The following SLC16A7 variants were observed in gnomAD, a reference collection of about 807,000 sequenced individuals.
SLC16A7 encodes the protein solute carrier family 16 member 7.
Under a neutral mutation model 34.9 loss-of-function variants are expected in SLC16A7, and 33 were observed. That is an observed-to-expected ratio of 0.94 (90% CI 0.72 to 1.26). The LOEUF (loss-of-function observed/expected upper bound fraction) is 1.26. Ranked by LOEUF, SLC16A7 falls within the 50% of genes most tolerant of loss-of-function variation. SLC16A7 has a pLI of 0.00. For missense variants in SLC16A7, 573 were observed against 578.1 expected, an observed-to-expected ratio of 0.99 and a Z score of 0.09; for synonymous variants, 201 against 206.6, an observed-to-expected ratio of 0.97 and a Z score of 0.23.
At chr12:59,615,395 T>C (rs1458111765) in intron 1 of SLC16A7, among the ~76,000 whole-genome samples, 2 of 152,170 alleles carry the variant, frequency 1.3e-5, no homozygotes, top group East Asian at 1.9e-4. Context: ...AATTTTTCAG[T>C]ATAATTTTAT....
intron 3 of SLC16A7, among the ~76,000 whole-genome samples, chr12:59,756,212 C>A (rs1371776070): frequency 1.3e-5 from 2 of 148,562 alleles, no homozygotes; most frequent in South Asian, 2.2e-4. Context: ...GACTTCATGT[C>A]TAAAACACCA....
chr12:59,705,928 T>G (rs1036031257), intron 3 of SLC16A7, among the ~76,000 whole-genome samples: 3 of 152,156 alleles, frequency 2.0e-5, no homozygotes, highest in African/African-American at 7.2e-5. Flanking sequence ...AATATAACAT[T>G]AGTATAATAT....
intron 1 of SLC16A7, among the ~76,000 whole-genome samples, chr12:59,635,934 T>G (rs1268441608): frequency 6.6e-6 from 1 of 151,538 alleles, no homozygotes; most frequent in African/African-American, 2.4e-5. Flanking sequence ...CTTAGAAGTA[T>G]CAATGTTTTA....
intron 2 of SLC16A7, chr12:59,664,934 C>G (rs1869071351): frequency 6.6e-6 from 1 of 152,126 alleles, no homozygotes; most frequent in Non-Finnish European, 1.5e-5. Context: ...CAGGTTCTCT[C>G]TCTATTCAGG....
rs1883689522 is a variant in SLC16A7 at position 59,787,261 on chromosome 12, A to AT, written c.*7583dup. The AT allele has an allele frequency of 6.6e-6, 1 of 152,204 alleles. No homozygotes were observed. The allele number at this position is 152,204 out of a possible 1,614,324, so 9.4% of individuals were successfully genotyped here. On this transcript the variant is annotated 3_prime_UTR_variant, in exon 6 of 6. Coordinates refer to ENST00000547379, the MANE Select transcript of SLC16A7 (RefSeq NM_001270623.2). ...GTATGCAAGAAATTATTGCCATAGC[A>AT]TAGTCTTGAGGAGAACACCTCTACA...
At chr12:59,680,691 T>C (rs1298170606) in intron 2 of SLC16A7, among the ~76,000 whole-genome samples, 5 of 152,332 alleles carry the variant, frequency 3.3e-5, no homozygotes, top group Admixed American at 6.5e-5. Context: ...TACTAAAATA[T>C]GTATTCATGT....
chr12:59,774,670 C>T lies in SLC16A7; in HGVS notation c.375C>T (p.Ala125=), dbSNP rs1176129488. 1.3e-5 allele frequency: 21 copies of T among 1,587,566 alleles called. No homozygotes were observed. Among genetic ancestry groups the T allele is most frequent in the Non-Finnish European group, 1.7e-5 (20 of 1,168,882 alleles). Residue 125 remains alanine (A), a synonymous_variant, in exon 5 of 6, where the codon GCC becomes GCT. Transcript: ENST00000547379. Reference sequence around the variant, plus strand: ...TGTTCTTTTTAGGTTTAGGTTTAGCCTTCAACCTGCAACCCGCCTTAACCA... The same window carrying T: ...TGTTCTTTTTAGGTTTAGGTTTAGCTTTCAACCTGCAACCCGCCTTAACCA... ...TMGFITGLGL[A]FNLQPALTII... is the part of the protein sequence containing the mutation.
intron 1 of SLC16A7, among the ~76,000 whole-genome samples, chr12:59,605,383 A>C (rs1195345476): frequency 2.0e-5 from 3 of 152,160 alleles, no homozygotes; most frequent in Non-Finnish European, 2.9e-5. Context: ...GGTGGTAGGG[A>C]TAGAATACGT....
chr12:59,672,530 G>T (rs1162304622), intron 2 of SLC16A7, among the ~76,000 whole-genome samples: 1 of 151,820 alleles, frequency 6.6e-6, no homozygotes, highest in African/African-American at 2.4e-5. Flanking sequence ...CAGGCTCATT[G>T]TTTCACCATG....
chr12:59,631,795 C>T (rs1196031363), intron 1 of SLC16A7, among the ~76,000 whole-genome samples: 2 of 151,846 alleles, frequency 1.3e-5, no homozygotes, highest in African/African-American at 2.4e-5. Flanking sequence ...TCTGTTCCTG[C>T]GTTAGTTTGA....
chr12:59,626,602 T>A (rs544954240), intron 1 of SLC16A7, among the ~76,000 whole-genome samples: 27 of 151,818 alleles, frequency 1.8e-4, no homozygotes, highest in African/African-American at 5.5e-4. Context: ...TGATCTAAGC[T>A]CAAAATTCTT....
chr12:59,661,133 T>G (rs1386421165), intron 2 of SLC16A7, among the ~76,000 whole-genome samples: 1 of 151,958 alleles, frequency 6.6e-6, no homozygotes, highest in Non-Finnish European at 1.5e-5. Flanking sequence ...TATGTGAATG[T>G]TGGGAAGGGG....
At chr12:59,714,718 C>T (rs1297945014) in intron 3 of SLC16A7, among the ~76,000 whole-genome samples, 1 of 152,156 alleles carries the variant, frequency 6.6e-6, no homozygotes, top group East Asian at 1.9e-4. Context: ...GTGCCCACCA[C>T]CATGCCCAGC....
intron 3 of SLC16A7, among the ~76,000 whole-genome samples, 153 bp from the exon 4 acceptor site, chr12:59,771,066 A>G (rs1882174548): frequency 6.6e-6 from 1 of 152,228 alleles, no homozygotes; most frequent in African/African-American, 2.4e-5. Context: ...TTTGTGAAGT[A>G]TTGAAAAGTT....
chr12:59,727,421 T>C (rs2137229200), intron 3 of SLC16A7, among the ~76,000 whole-genome samples: 1 of 152,184 alleles, frequency 6.6e-6, no homozygotes, highest in East Asian at 1.9e-4. Flanking sequence ...CATTTGAAGT[T>C]TGATATCATG....
chr12:59,735,327 CTG>C (rs1877465359), intron 3 of SLC16A7, among the ~76,000 whole-genome samples: 1 of 152,152 alleles, frequency 6.6e-6, no homozygotes, highest in South Asian at 2.1e-4. Context: ...TGTGCTCTGA[CTG>C]AAGAATATCA....
At chr12:59,614,827 A>AAAC (rs1879367555) in intron 1 of SLC16A7, among the ~76,000 whole-genome samples, 1 of 141,466 alleles carries the variant, frequency 7.1e-6, no homozygotes, top group Non-Finnish European at 1.5e-5. Flanking sequence ...TTCCTACTAA[A>AAAC]AAAAAAAAAA....
chr12:59,704,224 AG>A (rs373163955), intron 2 of SLC16A7, among the ~76,000 whole-genome samples: 3 of 142,106 alleles, frequency 2.1e-5, no homozygotes, highest in Non-Finnish European at 3.0e-5. Flanking sequence ...AAAAAGAAAA[AG>A]AAAAAAAAAA....
intron 3 of SLC16A7, among the ~76,000 whole-genome samples, chr12:59,757,596 A>C (rs759379970): frequency 2.0e-5 from 3 of 152,264 alleles, no homozygotes; most frequent in Non-Finnish European, 4.4e-5. Flanking sequence ...ATGAAAGTGC[A>C]AAAATGTCAG....
Sources: allele counts gnomAD v4.1 joint callset (sites outside exome capture counted in the v4.1 genomes callset), GRCh38; gene constraint gnomAD v4.1.1; transcripts MANE v1.5; gene names NCBI Gene and HGNC (gene_info 2026-07-23, HGNC 2026-07-21).